Variants in DPP10 observed in about 807,000 individuals in gnomAD.
The protein encoded by DPP10 is inactive dipeptidyl peptidase 10.
DPP10 carries 33 observed loss-of-function variants against 120.9 expected under a neutral mutation model. The observed-to-expected ratio is 0.27, with a 90% CI of 0.21 to 0.37. The LOEUF (loss-of-function observed/expected upper bound fraction) is 0.37, where lower values mean the gene tolerates loss of function less well. Ranked by LOEUF, DPP10 falls within the 10% of genes least tolerant of loss-of-function variation. The pLI is 1.00. For synonymous variants in DPP10, 337 were observed against 326.1 expected (o/e 1.03, Z -0.36); for missense variants, 816 against 942.8 (o/e 0.87, Z 1.76).
chr2:114,714,559 T>C (rs889318722), intron 1 of DPP10, among the ~76,000 whole-genome samples: 1 of 152,038 alleles, frequency 6.6e-6, no homozygotes, highest in Admixed American at 6.5e-5. Flanking sequence ...AGGAAGGAAA[T>C]GAGGATGAGC....
chr2:115,161,815 C>T, intron 1 of DPP10: 1 of 811,492 alleles, frequency 1.2e-6, no homozygotes, highest in Non-Finnish European at 1.7e-6. Flanking sequence ...TCTTCCCCTC[C>T]CCGCCCCTCC....
In DPP10 at chr2:114,608,474, C is replaced by A. The variant is rs537558651; in HGVS notation, c.60+165636C>A. 1.1e-4 allele frequency among the ~76,000 whole-genome samples: 17 copies of A among 152,258 alleles called. 1 individual carries two copies. The highest frequency in any genetic ancestry group is 4.1e-4 in the African/African-American group (17 of 41,548). On this transcript the variant is annotated intron_variant, in intron 1 of 25. Coordinates refer to ENST00000410059, the MANE Select transcript of DPP10 (RefSeq NM_020868.6). ...ATGATCATGATGATTTCACATTGAT[C>A]AAATTCTATTTCTATCATATTTATA...
At chr2:115,570,456 T>A (rs750452867) in intron 5 of DPP10, among the ~76,000 whole-genome samples, 2 of 152,166 alleles carry the variant, frequency 1.3e-5, no homozygotes, top group Non-Finnish European at 2.9e-5. Flanking sequence ...TATGGTTGAG[T>A]CTTTCACATA....
chr2:115,197,610 A>G (rs1399075527), intron 1 of DPP10, among the ~76,000 whole-genome samples: 1 of 152,148 alleles, frequency 6.6e-6, no homozygotes, highest in East Asian at 1.9e-4. Context: ...TGTATCTTCA[A>G]GTTCTTTAAG....
At chr2:115,694,639 G>T (rs182863469) in intron 7 of DPP10, among the ~76,000 whole-genome samples, 1 of 152,314 alleles carries the variant, frequency 6.6e-6, no homozygotes, top group Admixed American at 6.5e-5. Context: ...AATTATGGTA[G>T]AAAGAGAAGC....
At chr2:115,145,416 G>C (rs1231584704) in intron 1 of DPP10, among the ~76,000 whole-genome samples, 1 of 152,114 alleles carries the variant, frequency 6.6e-6, no homozygotes, top group African/African-American at 2.4e-5. Context: ...AGCCTTTTCA[G>C]ACTGACTTCT....
chr2:114,826,112 G>A (rs1686509442), intron 1 of DPP10, among the ~76,000 whole-genome samples: 1 of 152,040 alleles, frequency 6.6e-6, no homozygotes, highest in Admixed American at 6.6e-5. Flanking sequence ...CCTTTCCAAT[G>A]GAAAAATACC....
chr2:115,686,397 A>G (rs1436325793), intron 5 of DPP10, among the ~76,000 whole-genome samples: 1 of 152,074 alleles, frequency 6.6e-6, no homozygotes, highest in African/African-American at 2.4e-5. Flanking sequence ...ACAAATATGA[A>G]GTAGGTTATA....
chr2:114,559,635 A>C (rs1268882987), intron 1 of DPP10, among the ~76,000 whole-genome samples: 1 of 152,112 alleles, frequency 6.6e-6, no homozygotes, highest in Non-Finnish European at 1.5e-5. Flanking sequence ...CCTATTAGCT[A>C]GATTCCCCAA....
intron 1 of DPP10, among the ~76,000 whole-genome samples, chr2:114,841,327 G>T (rs1688138185): frequency 6.6e-6 from 1 of 152,102 alleles, no homozygotes; most frequent in African/African-American, 2.4e-5. Context: ...GCATAGGGCT[G>T]GCAGCCAAAA....
intron 1 of DPP10, among the ~76,000 whole-genome samples, chr2:114,760,142 G>A (rs1393527194): frequency 6.6e-6 from 1 of 152,160 alleles, no homozygotes; most frequent in Non-Finnish European, 1.5e-5. Flanking sequence ...GGCCCACCCA[G>A]ATCCTCTTTA....
chr2:115,628,985 G>A (rs190537195), intron 5 of DPP10, among the ~76,000 whole-genome samples: 1 of 151,832 alleles, frequency 6.6e-6, no homozygotes, highest in Non-Finnish European at 1.5e-5. Flanking sequence ...CCCACGACAG[G>A]CCCCAGTGTG....
chr2:115,697,347 A>G (rs1301091983), intron 7 of DPP10, among the ~76,000 whole-genome samples: 1 of 151,906 alleles, frequency 6.6e-6, no homozygotes, highest in Non-Finnish European at 1.5e-5. Context: ...CTCACTGTAG[A>G]TACAAAGACA....
intron 1 of DPP10, among the ~76,000 whole-genome samples, chr2:115,215,930 A>G (rs2105378907): frequency 6.6e-6 from 1 of 152,328 alleles, no homozygotes; most frequent in South Asian, 2.1e-4. Flanking sequence ...ATGACTGGAT[A>G]AAGAAAATGT....
In DPP10 at chr2:114,663,260, C is replaced by CTA. The variant is rs908023940; in HGVS notation, c.60+220433_60+220434dup. On this transcript the variant is annotated intron_variant, in intron 1 of 25. Coordinates refer to ENST00000410059, the MANE Select transcript of DPP10 (RefSeq NM_020868.6). ...CTTGTGTGTGTATATATATATATATCTATATATATATACACACACATATAT... is the reference window on the plus strand; with the variant it reads ...CTTGTGTGTGTATATATATATATATCTATATATATATATACACACACATATAT... Among the ~76,000 whole-genome samples, 24 of 144,426 alleles carry CTA rather than the reference C, an allele frequency of 1.7e-4. No individual in the cohort carries two copies. In the Middle Eastern group the frequency reaches 0.011, roughly 68 times the overall value. 94.7% of individuals were successfully genotyped at this position (144,426 alleles called of 152,430 possible). A position where few individuals can be genotyped will look rare whatever the true frequency, so the allele number is the denominator to read the frequency against.
chr2:114,468,397 C>CAAAA (rs71297186), intron 1 of DPP10, among the ~76,000 whole-genome samples: 83 of 69,524 alleles, frequency 1.2e-3, no homozygotes, highest in East Asian at 2.6e-3. Context: ...GCTTACAATG[C>CAAAA]AAAAAAAAAA....
chr2:115,483,660 A>G (rs2075584906), intron 3 of DPP10, among the ~76,000 whole-genome samples: 1 of 152,144 alleles, frequency 6.6e-6, no homozygotes, highest in South Asian at 2.1e-4. Flanking sequence ...AACCACAGCA[A>G]TAAAAAATGT....
chr2:115,825,651 C>T (rs1431283304), intron 21 of DPP10, among the ~76,000 whole-genome samples: 1 of 152,168 alleles, frequency 6.6e-6, no homozygotes, highest in Non-Finnish European at 1.5e-5. Flanking sequence ...CAATTTCACA[C>T]ATAGAATGTT....
At chr2:114,534,431 G>A (rs770776267) in intron 1 of DPP10, among the ~76,000 whole-genome samples, 5 of 152,044 alleles carry the variant, frequency 3.3e-5, no homozygotes, top group Non-Finnish European at 5.9e-5. Flanking sequence ...TTTATTTGAA[G>A]CTCTCATTGT....
Sources: allele counts gnomAD v4.1 joint callset (sites outside exome capture counted in the v4.1 genomes callset), GRCh38; gene constraint gnomAD v4.1.1; transcripts MANE v1.5; gene names NCBI Gene and HGNC (gene_info 2026-07-23, HGNC 2026-07-21).